Variants in CALN1 observed in about 807,000 individuals in gnomAD.
The protein encoded by CALN1 is calcium-binding protein 8.
In CALN1, 17 loss-of-function variants were observed where a neutral mutation model predicts 30.6. The ratio of observed to expected loss-of-function variants is 0.56; its 90% CI spans 0.38 to 0.83. The LOEUF is 0.83. CALN1 is among the 40% of genes least tolerant of loss of function. The pLI, the probability that CALN1 is intolerant of heterozygous loss-of-function variation, is 0.00. For missense variants in CALN1, 291 were observed against 354.9 expected (o/e 0.82, Z 1.45); for synonymous variants, 156 against 131.4 (o/e 1.19, Z -1.28).
chr7:72,336,571 C>T, intron 2 of CALN1: 3 of 487,782 alleles, frequency 6.2e-6, no homozygotes, highest in South Asian at 1.7e-4. Context: ...GTCTGCCAAC[C>T]ATCTGCCCAC....
chr7:71,980,187 C>CTTTTTT (rs60273576), intron 5 of CALN1, among the ~76,000 whole-genome samples: 2 of 107,266 alleles, frequency 1.9e-5, no homozygotes, highest in Non-Finnish European at 4.0e-5. Context: ...TCTTCTTTTT[C>CTTTTTT]TTTTTTTTTT....
At chr7:72,094,198 T>A (rs977956740) in intron 4 of CALN1, among the ~76,000 whole-genome samples, 18 of 152,224 alleles carry the variant, frequency 1.2e-4, no homozygotes, top group African/African-American at 4.3e-4. Flanking sequence ...CAATGGACTC[T>A]AGGTGTTAAA....
At chr7:72,105,884 C>T (rs1807071902) in intron 4 of CALN1, among the ~76,000 whole-genome samples, 1 of 144,776 alleles carries the variant, frequency 6.9e-6, no homozygotes, top group Non-Finnish European at 1.5e-5. Context: ...TGGGAGGGGA[C>T]AAGAAGGGAA....
intron 4 of CALN1, among the ~76,000 whole-genome samples, chr7:72,062,861 A>T (rs766401410): frequency 6.6e-6 from 1 of 152,216 alleles, no homozygotes; most frequent in Non-Finnish European, 1.5e-5. Flanking sequence ...TGAGGCCCAG[A>T]TGGCTTCCTT....
intron 2 of CALN1, among the ~76,000 whole-genome samples, chr7:72,310,456 A>AGG (rs1164427645): frequency 6.6e-6 from 1 of 151,180 alleles, no homozygotes; most frequent in African/African-American, 2.4e-5. Flanking sequence ...CAAGGAACAG[A>AGG]GGGCAGAACA....
intron 5 of CALN1, among the ~76,000 whole-genome samples, chr7:71,869,908 C>T (rs577441608): frequency 6.6e-6 from 1 of 152,222 alleles, no homozygotes; most frequent in East Asian, 1.9e-4. Context: ...GGGTGGGCCT[C>T]AGCTTTGCAG....
intron 3 of CALN1, among the ~76,000 whole-genome samples, chr7:72,188,121 C>T (rs13232644): frequency 0.25 from 37,251 of 151,946 alleles, 4,887 homozygotes; most frequent in Middle Eastern, 0.35. Flanking sequence ...CCCACTACTG[C>T]ACATCTGCTC....
chr7:71,913,316 T>C (rs976370516), intron 5 of CALN1, among the ~76,000 whole-genome samples: 13 of 152,152 alleles, frequency 8.5e-5, no homozygotes, highest in African/African-American at 1.4e-4. Flanking sequence ...CAGAAAGCCT[T>C]ATAGCCACTG....
chr7:72,096,146 C>A (rs1052252074), intron 4 of CALN1, among the ~76,000 whole-genome samples: 1 of 151,986 alleles, frequency 6.6e-6, no homozygotes. Context: ...AGGGGTAGGG[C>A]CTGAGTTGGA....
chr7:71,863,815 A>G (rs1221481867), intron 5 of CALN1, among the ~76,000 whole-genome samples: 1 of 152,120 alleles, frequency 6.6e-6, no homozygotes, highest in Non-Finnish European at 1.5e-5. Context: ...GGAAGTTGAC[A>G]TTCCATCCTG....
At chr7:72,271,080 T>A (rs1028853277) in intron 3 of CALN1, among the ~76,000 whole-genome samples, 3 of 152,210 alleles carry the variant, frequency 2.0e-5, no homozygotes, top group Admixed American at 6.5e-5. Flanking sequence ...CTGCTGTGGC[T>A]GACTGGCAAT....
At chr7:72,093,807 C>T (rs844719) in intron 4 of CALN1, among the ~76,000 whole-genome samples, 40,816 of 152,070 alleles carry the variant, frequency 0.27, 5,881 homozygotes, top group African/African-American at 0.35. Flanking sequence ...TAACTGTGTG[C>T]TCTGTAGAAT....
the CALN1 span, among the ~76,000 whole-genome samples, chr7:72,473,348 C>A: frequency 6.6e-6 from 1 of 152,042 alleles, no homozygotes; most frequent in African/African-American, 2.4e-5. Context: ...TCCCTTTAAT[C>A]CTCATGACAA....
intron 3 of CALN1, among the ~76,000 whole-genome samples, chr7:72,228,842 A>T (rs1348067032): frequency 2.7e-5 from 4 of 150,922 alleles, no homozygotes; most frequent in African/African-American, 9.7e-5. Context: ...GCTCACTGCA[A>T]CCTCAACCTC....
chr7:72,081,157 T>C (rs1805110802), intron 4 of CALN1, among the ~76,000 whole-genome samples: 1 of 152,032 alleles, frequency 6.6e-6, no homozygotes, highest in Non-Finnish European at 1.5e-5. Flanking sequence ...GTGAAGGATT[T>C]TGCTATGGAA....
At chr7:72,468,746 C>G in the CALN1 span, among the ~76,000 whole-genome samples, 3 of 152,092 alleles carry the variant, frequency 2.0e-5, no homozygotes, top group African/African-American at 7.2e-5. Context: ...TTTTTAAGAG[C>G]CATCATAGCG....
rs142263810 is a variant in CALN1, at chr7:71,990,007, T to A, written c.501+33650A>T. 3.9e-3 allele frequency among the ~76,000 whole-genome samples: 588 copies of A among 152,250 alleles called. 4 individuals are homozygous for A. The highest frequency in any genetic ancestry group is 0.012 in the African/African-American group (516 of 41,536). ...GACTCCATCTTGAATAGGGGCTGGATAAAATGAGGCTGAGACCTACTGGGC... is the reference window on the plus strand; with the variant it reads ...GACTCCATCTTGAATAGGGGCTGGAAAAAATGAGGCTGAGACCTACTGGGC... On this transcript the variant is annotated intron_variant, in intron 5 of 6. Transcript: ENST00000395275.
rs376691632 is a variant in CALN1 at position 72,106,288 on chromosome 7, C to T, written c.251G>A (p.Arg84Gln). 19 of 1,613,814 alleles carry T rather than the reference C, an allele frequency of 1.2e-5. No homozygotes were observed. The highest frequency in any genetic ancestry group is 1.6e-4 in the Middle Eastern group (1 of 6,084). ...CCGGTCCAGAACCCGAAAGGCCTCT[C>T]GGATTTCTACAATGGAAAAGCAAAG... ...NISVEELDEIREAFRVLDRDG... is the reference protein window; with the variant it reads ...NISVEELDEIQEAFRVLDRDG... Residue 84 changes from arginine (R) to glutamine (Q), a missense_variant, in exon 4 of 7, where the codon CGA becomes CAA. Arg to Gln is a conservative substitution (Grantham distance 43). Transcript: ENST00000395275.
chr7:72,072,967 A>G (rs1399689943), intron 4 of CALN1, among the ~76,000 whole-genome samples: 2 of 152,244 alleles, frequency 1.3e-5, no homozygotes, highest in African/African-American at 2.4e-5. Flanking sequence ...TACACACAAA[A>G]GAAGACAGCA....
Sources: gnomAD v4.1 joint callset for allele counts (sites outside exome capture counted in the v4.1 genomes callset) on GRCh38, gnomAD v4.1.1 for gene constraint, MANE v1.5 for transcripts, NCBI Gene and HGNC (gene_info 2026-07-23, HGNC 2026-07-21) for gene names.